Variants in ESYT2 observed in about 807,000 individuals in gnomAD.
ESYT2 encodes extended synaptotagmin 2.
Under a neutral mutation model 107.2 loss-of-function variants are expected in ESYT2, and 54 were observed. The ratio of observed to expected loss-of-function variants is 0.50; its 90% confidence interval spans 0.40 to 0.63. The LOEUF is 0.63. Among genes scored for constraint, ESYT2 ranks in the 30% least tolerant of loss-of-function variants. The probability of loss-of-function intolerance (pLI) is 0.00; values close to 1 mark genes in which losing one functional copy is unlikely to be tolerated. For missense variants in ESYT2, 1,020 were observed against 1,094.5 expected, an observed-to-expected ratio of 0.93 and a Z score of 0.96; for synonymous variants, 491 against 434.1, an observed-to-expected ratio of 1.13 and a Z score of -1.63.
intron 9 of ESYT2, among the ~76,000 whole-genome samples, chr7:158,763,791 G>A (rs949172248): frequency 9.2e-5 from 14 of 152,064 alleles, no homozygotes; most frequent in Admixed American, 7.9e-4. Flanking sequence ...TTGGTGCAAG[G>A]CATGAGACAG....
intron 7 of ESYT2, among the ~76,000 whole-genome samples, chr7:158,772,725 G>C (rs1838415698): frequency 6.6e-6 from 1 of 151,960 alleles, no homozygotes; most frequent in South Asian, 2.1e-4. Context: ...GCTTGTTATG[G>C]AACATTTTTC....
chr7:158,767,381 C>T lies in ESYT2; in HGVS notation c.924+273G>A, dbSNP rs565927457. On this transcript the variant is annotated intron_variant, in intron 8 of 22. Coordinates refer to ENST00000275418, the MANE Select transcript of ESYT2 (RefSeq NM_001367773.1). Reference sequence around the variant, plus strand: ...TAACTAAGATGTCCGTGCCATGTACCCCTGCAGATTTAAATCCCTATCAGC... The same window carrying T: ...TAACTAAGATGTCCGTGCCATGTACTCCTGCAGATTTAAATCCCTATCAGC... Among the ~76,000 whole-genome samples, 4 of 152,270 alleles carry T rather than the reference C, an allele frequency of 2.6e-5. No homozygotes were observed. In the South Asian group the frequency reaches 6.2e-4, roughly 24 times the overall value.
At chr7:158,756,039 TAAAC>T (rs1386445438) in intron 13 of ESYT2, among the ~76,000 whole-genome samples, 5 of 152,116 alleles carry the variant, frequency 3.3e-5, no homozygotes, top group Admixed American at 3.3e-4. Context: ...AGTAAATAAA[TAAAC>T]AAAATACCTG....
chr7:158,814,607 AAACTT>A lies in ESYT2; in HGVS notation c.330+14477_330+14481del, dbSNP rs377590336. Among the ~76,000 whole-genome samples, 52 of 152,322 alleles carry A rather than the reference AAACTT, an allele frequency of 3.4e-4. No individual in the cohort carries two copies. The East Asian group carries it at 9.7e-3, about 28-fold the overall frequency. On this transcript the variant is annotated intron_variant, in intron 1 of 22. Transcript: ENST00000275418. ...GTATTTAAGAATGCTAACAGTATAT[AAACTT>A]AAAACACCCAGAGAAACTCCCACTG...
chr7:158,814,471 G>T (rs544422795), intron 1 of ESYT2, among the ~76,000 whole-genome samples: 1 of 151,142 alleles, frequency 6.6e-6, no homozygotes, highest in Non-Finnish European at 1.5e-5. Context: ...TACTCGTCCC[G>T]ATTACCCTCA....
chr7:158,808,347 A>G (rs551073727), intron 1 of ESYT2, among the ~76,000 whole-genome samples: 1 of 152,124 alleles, frequency 6.6e-6, no homozygotes, highest in South Asian at 2.1e-4. Context: ...GCTCCCGCCC[A>G]CTCACCTGTG....
chr7:158,736,752 C>T (rs1192383912), intron 20 of ESYT2, among the ~76,000 whole-genome samples: 2 of 152,124 alleles, frequency 1.3e-5, no homozygotes, highest in Non-Finnish European at 2.9e-5. Flanking sequence ...AGTTAAGTGT[C>T]AACAGATATA....
chr7:158,816,007 C>A (rs1019040045), intron 1 of ESYT2, among the ~76,000 whole-genome samples: 3 of 152,128 alleles, frequency 2.0e-5, no homozygotes, highest in Non-Finnish European at 4.4e-5. Flanking sequence ...ACGTCCTAAT[C>A]CCTGGAATTT....
chr7:158,804,970 C>T (rs2788493), intron 1 of ESYT2, among the ~76,000 whole-genome samples: 143,536 of 152,238 alleles, frequency 0.94, 67,719 homozygotes, highest in Middle Eastern at 0.96. Flanking sequence ...TATCAGATTA[C>T]GATGAGAAAA....
At chr7:158,804,699 C>T (rs1453524631) in intron 1 of ESYT2, among the ~76,000 whole-genome samples, 2 of 151,198 alleles carry the variant, frequency 1.3e-5, no homozygotes, top group Non-Finnish European at 2.9e-5. Flanking sequence ...AAGGGTGAGG[C>T]GCGTGACAAA....
chr7:158,759,592 A>T lies in ESYT2; in HGVS notation c.1324-11T>A, dbSNP rs776671792. The T allele has an allele frequency of 2.5e-6, 4 of 1,602,136 alleles. No homozygotes were observed. The East Asian group carries it at 9.0e-5, about 36-fold the overall frequency. On this transcript the variant is annotated splice_polypyrimidine_tract_variant and intron_variant, in intron 12 of 22. Transcript: ENST00000275418. ...GATGTCTGTTAGCACCTAAAAGGAA[A>T]GGAAAAAGCCCTTAGCAGCCATGTT...
intron 19 of ESYT2, among the ~76,000 whole-genome samples, chr7:158,738,114 A>T (rs577601676): frequency 4.6e-5 from 7 of 152,064 alleles, no homozygotes; most frequent in African/African-American, 1.7e-4. Flanking sequence ...CCAGCTACTC[A>T]GGAGGCCTGG....
At chr7:158,748,715 A>C (rs1017561671) in intron 15 of ESYT2, among the ~76,000 whole-genome samples, 7 of 147,138 alleles carry the variant, frequency 4.8e-5, no homozygotes, top group South Asian at 2.2e-4. Flanking sequence ...TTTTTTTTTT[A>C]TTTTTTATTT....
chr7:158,784,736 A>G (rs542453657), intron 6 of ESYT2, among the ~76,000 whole-genome samples: 3 of 152,170 alleles, frequency 2.0e-5, no homozygotes, highest in African/African-American at 7.2e-5. Context: ...AAAGCACATC[A>G]ATTTCTGGAG....
chr7:158,783,684 G>A (rs1399806590), intron 6 of ESYT2, among the ~76,000 whole-genome samples: 1 of 152,152 alleles, frequency 6.6e-6, no homozygotes, highest in Non-Finnish European at 1.5e-5. Context: ...CAAGTGAGAC[G>A]ACTCCAGCAA....
intron 10 of ESYT2, among the ~76,000 whole-genome samples, chr7:158,762,357 G>T (rs892558376): frequency 2.0e-5 from 3 of 152,056 alleles, no homozygotes; most frequent in Middle Eastern, 3.2e-3. Flanking sequence ...GATCTATCCT[G>T]TCTGGCTTAA....
chr7:158,769,377 C>G (rs544307707), intron 7 of ESYT2, among the ~76,000 whole-genome samples: 1 of 152,362 alleles, frequency 6.6e-6, no homozygotes, highest in African/African-American at 2.4e-5. Flanking sequence ...CACACAGACT[C>G]CTGGCCTCGG....
chr7:158,769,742 A>T (rs1838289664), intron 7 of ESYT2, among the ~76,000 whole-genome samples: 1 of 152,132 alleles, frequency 6.6e-6, no homozygotes. Flanking sequence ...AACACAATGG[A>T]TATTTAATAG....
intron 6 of ESYT2, among the ~76,000 whole-genome samples, chr7:158,779,014 T>G (rs1020207798): frequency 1.1e-4 from 16 of 152,156 alleles, no homozygotes; most frequent in African/African-American, 3.9e-4. Flanking sequence ...CATAATGTTT[T>G]GCTAGATTTT....
Sources: gnomAD v4.1 joint callset for allele counts (sites outside exome capture counted in the v4.1 genomes callset) on GRCh38, gnomAD v4.1.1 for gene constraint, MANE v1.5 for transcripts, NCBI Gene and HGNC (gene_info 2026-07-23, HGNC 2026-07-21) for gene names.